The following CCDC93 variants were observed in gnomAD, a reference collection of about 807,000 sequenced individuals.
The protein encoded by CCDC93 is CCC complex scaffolding subunit CCDC93, also known as coiled-coil domain-containing protein 93.
In CCDC93, 61 loss-of-function variants were observed where a neutral mutation model predicts 108.2. That is an observed-to-expected ratio of 0.56 (90% CI 0.46 to 0.70). CCDC93 has a LOEUF of 0.70. CCDC93 is among the 30% of genes least tolerant of loss of function. The pLI is 0.00. For missense variants in CCDC93, 685 were observed against 764.2 expected (o/e 0.90, Z 1.22); for synonymous variants, 276 against 260.4 (o/e 1.06, Z -0.58).
At chr2:117,977,690 G>C (rs1192022817) in intron 8 of CCDC93, among the ~76,000 whole-genome samples, 3 of 152,108 alleles carry the variant, frequency 2.0e-5, no homozygotes, top group Non-Finnish European at 4.4e-5. Flanking sequence ...GGAGTGCTCT[G>C]GGAGCCCTGG....
intron 11 of CCDC93, among the ~76,000 whole-genome samples, chr2:117,964,906 A>G (rs887619014): frequency 3.3e-5 from 5 of 152,180 alleles, no homozygotes; most frequent in Non-Finnish European, 5.9e-5. Flanking sequence ...CCTGGCCCAG[A>G]ATCATTGCTA....
At position 117,959,238 on chromosome 2, in the gene CCDC93, C is replaced by T. The variant is rs1019692830; in HGVS notation, c.889-757G>A. ...TAGTGTAGATACTGAATACAAACAC[C>T]GCCTCAAGACTCCTGTGAGAAGCCC... On this transcript the variant is annotated intron_variant, in intron 11 of 23. Coordinates refer to ENST00000376300, the MANE Select transcript of CCDC93 (RefSeq NM_019044.5). Among the ~76,000 whole-genome samples, 11 of 152,104 alleles carry T rather than the reference C, an allele frequency of 7.2e-5. No individual in the cohort carries two copies. The East Asian group carries it at 1.5e-3, about 21-fold the overall frequency.
chr2:117,990,025 C>T (rs187482142), intron 6 of CCDC93, among the ~76,000 whole-genome samples: 1 of 152,264 alleles, frequency 6.6e-6, no homozygotes, highest in African/African-American at 2.4e-5. Flanking sequence ...TATTCTCATA[C>T]AAAAGTCTAA....
chr2:118,004,677 T>C (rs1676816198), intron 3 of CCDC93, among the ~76,000 whole-genome samples: 1 of 152,198 alleles, frequency 6.6e-6, no homozygotes, highest in African/African-American at 2.4e-5. Context: ...ACATGTCTTC[T>C]ACAGATAATA....
chr2:117,960,984 T>C (rs575319625), intron 11 of CCDC93, among the ~76,000 whole-genome samples: 1 of 152,210 alleles, frequency 6.6e-6, no homozygotes, highest in Non-Finnish European at 1.5e-5. Context: ...CACAAGCTAT[T>C]GAGTCCTCAG....
In CCDC93 at chr2:117,918,853, C is replaced by T. The variant is rs11556267; in HGVS notation, c.*1490G>A. The T allele has an allele frequency of 0.13, 19,247 of 152,218 alleles. 1,497 individuals are homozygous for T. The highest frequency in any genetic ancestry group is 0.16 in the Non-Finnish European group (10,617 of 68,024). 9.4% of individuals were successfully genotyped at this position (152,218 alleles called of 1,614,324 possible). The stretch of plus-strand genomic sequence containing the variant: ...CCTGGCTCAGGTAGGCCTTGCTGGC[C>T]CTGGCACTGAAACCAGTGGCTGTTT... On this transcript the variant is annotated 3_prime_UTR_variant, in exon 24 of 24. Transcript: ENST00000376300.
intron 8 of CCDC93, among the ~76,000 whole-genome samples, chr2:117,977,150 G>A (rs1679969482): frequency 6.6e-6 from 1 of 152,012 alleles, no homozygotes; most frequent in Non-Finnish European, 1.5e-5. Context: ...GTGTTAGCCA[G>A]GACGGTCTCG....
At chr2:117,966,473 T>C (rs1679577972) in intron 11 of CCDC93, among the ~76,000 whole-genome samples, 1 of 152,244 alleles carries the variant, frequency 6.6e-6, no homozygotes. Flanking sequence ...GGCTCCCTTT[T>C]GCTTATAGCA....
intron 13 of CCDC93, chr2:117,950,466 A>C: frequency 1.0e-6 from 1 of 985,414 alleles, no homozygotes; most frequent in Non-Finnish European, 1.2e-6. Flanking sequence ...CCTCCCCCAC[A>C]GGTGTCAGGC....
intron 7 of CCDC93, among the ~76,000 whole-genome samples, chr2:117,982,141 G>C (rs1300186624): frequency 1.4e-5 from 2 of 143,564 alleles, no homozygotes; most frequent in Non-Finnish European, 3.1e-5. Context: ...GCCTAACTTT[G>C]AGTTGCCTAG....
At chr2:117,964,893 G>A (rs1387876300) in intron 11 of CCDC93, among the ~76,000 whole-genome samples, 1 of 152,180 alleles carries the variant, frequency 6.6e-6, no homozygotes, top group Non-Finnish European at 1.5e-5. Flanking sequence ...GTGAGCCTCT[G>A]TGCCTGGCCC....
At chr2:118,013,875 C>T in intron 1 of CCDC93, 79 bp downstream of exon 1, 1 of 1,330,140 alleles carries the variant, frequency 7.5e-7, no homozygotes, top group Non-Finnish European at 1.0e-6. Flanking sequence ...GCACCCAGGG[C>T]CCGCTCAGCC....
intron 23 of CCDC93, among the ~76,000 whole-genome samples, chr2:117,927,942 C>G (rs1254617328): frequency 2.0e-5 from 3 of 152,132 alleles, no homozygotes; most frequent in Non-Finnish European, 4.4e-5. Flanking sequence ...ACAGAGCCCT[C>G]AGAAATAATG....
intron 11 of CCDC93, among the ~76,000 whole-genome samples, chr2:117,972,217 T>C (rs1679788260): frequency 6.6e-6 from 1 of 152,204 alleles, no homozygotes; most frequent in African/African-American, 2.4e-5. Context: ...ACAGCATATA[T>C]GTCCTTAGAA....
At chr2:117,921,176 CAAAAAA>C (rs34197714) in intron 23 of CCDC93, among the ~76,000 whole-genome samples, 3 of 76,020 alleles carry the variant, frequency 3.9e-5, no homozygotes, top group African/African-American at 1.1e-4. Flanking sequence ...GGCTCTGTCT[CAAAAAA>C]AAAAAAAAAA....
In CCDC93 at chr2:117,958,348, G is replaced by T. The variant is rs761916896; in HGVS notation, c.1005+17C>A. On this transcript the variant is annotated intron_variant, in intron 12 of 23. Coordinates refer to ENST00000376300, the MANE Select transcript of CCDC93 (RefSeq NM_019044.5). The stretch of plus-strand genomic sequence containing the variant: ...CCATGAAGATCTTGAATAAACTTAC[G>T]AAAAGAAAACACTGACCTCTTCAAG... 1.3e-6 allele frequency: 2 copies of T among 1,482,186 alleles called. No individual in the cohort carries two copies. The highest frequency in any genetic ancestry group is 1.4e-5 in the African/African-American group (1 of 72,144). 91.8% of individuals were successfully genotyped at this position (1,482,186 alleles called of 1,614,324 possible).
rs1265621713 is a variant in CCDC93 at position 117,917,177 on chromosome 2, G to A, written c.*3166C>T. On this transcript the variant is annotated 3_prime_UTR_variant, in exon 24 of 24. Transcript: ENST00000376300. ...ACAGAGTGGGCAAACAAGACCATAT[G>A]AGGCAGCAGAAATATGAGGGCACAG... 6.6e-6 allele frequency: 1 copy of A among 152,632 alleles called. No homozygotes were observed. The highest frequency in any genetic ancestry group is 1.9e-4 in the East Asian group (1 of 5,184). The allele number at this position is 152,632 out of a possible 1,614,324, so 9.5% of individuals were successfully genotyped here. A position where few individuals can be genotyped will look rare whatever the true frequency, so the allele number is the denominator to read the frequency against.
chr2:117,917,004 C>G lies in CCDC93; in HGVS notation c.*3339G>C, dbSNP rs1304680207. ...ATGTTCTTTTACTTTGAGGCCAACA[C>G]CAGCCATGAGTAAATCATAAAGTGC... On this transcript the variant is annotated 3_prime_UTR_variant, in exon 24 of 24. Coordinates refer to ENST00000376300, the MANE Select transcript of CCDC93 (RefSeq NM_019044.5). 4 of 152,174 alleles carry G rather than the reference C, an allele frequency of 2.6e-5. No individual in the cohort carries two copies. The highest frequency in any genetic ancestry group is 5.9e-5 in the Non-Finnish European group (4 of 68,038). The allele number at this position is 152,174 out of a possible 1,614,324, so 9.4% of individuals were successfully genotyped here.
rs769512866 is a variant in CCDC93 at position 117,944,092 on chromosome 2, A to T, written c.1351-6T>A. ...TACCGTCTGTCTAGGTCTTCCTAAAAATTGGAAAAGGCTGTAATTATCTGG... is the reference window on the plus strand; with the variant it reads ...TACCGTCTGTCTAGGTCTTCCTAAATATTGGAAAAGGCTGTAATTATCTGG... On this transcript the variant is annotated splice_region_variant and splice_polypyrimidine_tract_variant and intron_variant, in intron 17 of 23. Coordinates refer to ENST00000376300, the MANE Select transcript of CCDC93 (RefSeq NM_019044.5). 6.3e-7 allele frequency: 1 copy of T among 1,586,138 alleles called. No individual in the cohort carries two copies. The highest frequency in any genetic ancestry group is 1.9e-5 in the Admixed American group (1 of 53,620).
Sources: gnomAD v4.1 joint callset for allele counts (sites outside exome capture counted in the v4.1 genomes callset) on GRCh38, gnomAD v4.1.1 for gene constraint, MANE v1.5 for transcripts, NCBI Gene and HGNC (gene_info 2026-07-23, HGNC 2026-07-21) for gene names.